The following MACROD2 variants were observed in gnomAD, a reference collection of about 807,000 sequenced individuals.
The protein encoded by MACROD2 is mono-ADP ribosylhydrolase 2, also known as ADP-ribose glycohydrolase MACROD2.
MACROD2 carries 36 observed loss-of-function variants against 70.4 expected under a neutral mutation model. That is an observed-to-expected ratio of 0.51 (90% CI 0.39 to 0.68). The LOEUF (loss-of-function observed/expected upper bound fraction) is 0.68. MACROD2 is among the 30% of genes least tolerant of loss of function. The pLI is 0.00. For missense variants in MACROD2, 496 were observed against 538.4 expected (o/e 0.92, Z 0.78); for synonymous variants, 172 against 178.8 (o/e 0.96, Z 0.30).
intron 5 of MACROD2, among the ~76,000 whole-genome samples, chr20:14,983,157 T>G (rs999374706): frequency 6.6e-6 from 1 of 152,150 alleles, no homozygotes; most frequent in African/African-American, 2.4e-5. Flanking sequence ...AACCCCTTTG[T>G]TTTGGCCAAT....
chr20:15,906,814 T>C (rs546633139), intron 10 of MACROD2, among the ~76,000 whole-genome samples: 1 of 152,316 alleles, frequency 6.6e-6, no homozygotes, highest in South Asian at 2.1e-4. Flanking sequence ...TGAAGAACTA[T>C]CACAGAAGTG....
chr20:14,571,004 C>G (rs1980156220), intron 4 of MACROD2, among the ~76,000 whole-genome samples: 1 of 152,004 alleles, frequency 6.6e-6, no homozygotes, highest in Non-Finnish European at 1.5e-5. Context: ...ACTTTAAGCA[C>G]TTGTTAAGAA....
intron 8 of MACROD2, among the ~76,000 whole-genome samples, chr20:15,658,122 TAAA>T (rs1477095841): frequency 1.3e-5 from 2 of 151,974 alleles, no homozygotes; most frequent in East Asian, 3.8e-4. Context: ...GATTAATAAT[TAAA>T]TAATAATTCA....
chr20:15,494,785 G>C (rs566814195), intron 7 of MACROD2, among the ~76,000 whole-genome samples: 6 of 151,600 alleles, frequency 4.0e-5, no homozygotes, highest in Non-Finnish European at 8.8e-5. Context: ...GTGCGCGCGT[G>C]TGTGCAGTAT....
chr20:14,690,247 A>G (rs1443686635), intron 5 of MACROD2, among the ~76,000 whole-genome samples: 1 of 146,718 alleles, frequency 6.8e-6, no homozygotes, highest in Non-Finnish European at 1.5e-5. Context: ...GAAATGGTGG[A>G]ATCTGTTTCT....
chr20:15,975,832 A>G (rs1568680408), intron 13 of MACROD2, among the ~76,000 whole-genome samples: 1 of 152,234 alleles, frequency 6.6e-6, no homozygotes, highest in African/African-American at 2.4e-5. Flanking sequence ...ATTTTTAAAA[A>G]TAACTTACAA....
chr20:14,571,164 C>T (rs1001483505), intron 4 of MACROD2, among the ~76,000 whole-genome samples: 14 of 152,008 alleles, frequency 9.2e-5, no homozygotes, highest in African/African-American at 3.4e-4. Context: ...AAAGTCAGGC[C>T]TGGAGAAAAA....
intron 8 of MACROD2, among the ~76,000 whole-genome samples, chr20:15,505,835 C>T (rs957312672): frequency 7.2e-5 from 11 of 152,180 alleles, no homozygotes; most frequent in Non-Finnish European, 1.6e-4. Context: ...GTACTTTTCT[C>T]TCCTCGCGTA....
chr20:14,282,759 A>G (rs147992747), intron 3 of MACROD2, among the ~76,000 whole-genome samples: 1 of 152,300 alleles, frequency 6.6e-6, no homozygotes, highest in African/African-American at 2.4e-5. Context: ...AAATGGAGCA[A>G]GCAAGAGAGA....
intron 3 of MACROD2, among the ~76,000 whole-genome samples, chr20:14,409,702 G>T (rs1401828399): frequency 2.0e-5 from 3 of 152,088 alleles, no homozygotes; most frequent in African/African-American, 7.2e-5. Flanking sequence ...TCCTAACCAG[G>T]TTTTGTGGGC....
At chr20:14,074,228 G>A (rs1366460647) in intron 2 of MACROD2, among the ~76,000 whole-genome samples, 2 of 152,064 alleles carry the variant, frequency 1.3e-5, no homozygotes, top group African/African-American at 4.8e-5. Flanking sequence ...CGATACTGAC[G>A]TCTCTTTTCC....
At chr20:15,835,059 A>G (rs866739574) in intron 8 of MACROD2, among the ~76,000 whole-genome samples, 23 of 152,330 alleles carry the variant, frequency 1.5e-4, no homozygotes, top group African/African-American at 4.8e-4. Flanking sequence ...CCTGCAGACA[A>G]TCTCAATTGG....
chr20:14,892,386 A>C (rs2073773321), intron 5 of MACROD2, among the ~76,000 whole-genome samples: 1 of 152,060 alleles, frequency 6.6e-6, no homozygotes, highest in African/African-American at 2.4e-5. Context: ...GAGACACGAG[A>C]ATCACTTAAA....
At chr20:14,719,731 T>C (rs1446256282) in intron 5 of MACROD2, among the ~76,000 whole-genome samples, 1 of 152,170 alleles carries the variant, frequency 6.6e-6, no homozygotes, top group Admixed American at 6.5e-5. Flanking sequence ...AGATCTGAAC[T>C]GTAGGTGTAT....
chr20:15,543,788 G>T (rs1286796039), intron 8 of MACROD2, among the ~76,000 whole-genome samples: 2 of 152,208 alleles, frequency 1.3e-5, no homozygotes, highest in Non-Finnish European at 2.9e-5. Flanking sequence ...GTCATTGACT[G>T]ACTAAGGCTA....
At chr20:15,595,822 G>A (rs2048739203) in intron 8 of MACROD2, among the ~76,000 whole-genome samples, 1 of 151,712 alleles carries the variant, frequency 6.6e-6, no homozygotes, top group South Asian at 2.1e-4. Context: ...CTGTAACTTG[G>A]CACACTAATA....
chr20:14,358,943 T>A (rs2083197590), intron 3 of MACROD2, among the ~76,000 whole-genome samples: 1 of 152,128 alleles, frequency 6.6e-6, no homozygotes, highest in African/African-American at 2.4e-5. Context: ...TCTCAGCACT[T>A]TAAGAAGCTG....
chr20:14,711,499 A>T (rs931423460), intron 5 of MACROD2, among the ~76,000 whole-genome samples: 2 of 152,204 alleles, frequency 1.3e-5, no homozygotes, highest in Non-Finnish European at 2.9e-5. Context: ...CCTAAAGACC[A>T]GGTGATAGTT....
chr20:14,063,294 T>G (rs1348104821), intron 2 of MACROD2, among the ~76,000 whole-genome samples: 1 of 152,232 alleles, frequency 6.6e-6, no homozygotes, highest in Non-Finnish European at 1.5e-5. Context: ...TATTTCTTTA[T>G]AGGGGAATGT....
Sources: gnomAD v4.1 joint callset for allele counts (sites outside exome capture counted in the v4.1 genomes callset) on GRCh38, gnomAD v4.1.1 for gene constraint, MANE v1.5 for transcripts, NCBI Gene and HGNC (gene_info 2026-07-23, HGNC 2026-07-21) for gene names.